Variants in PPP1R16B observed in about 807,000 individuals in gnomAD.
PPP1R16B encodes protein phosphatase 1 regulatory subunit 16B.
PPP1R16B carries 14 observed loss-of-function variants against 61.7 expected under a neutral mutation model. The ratio of observed to expected loss-of-function variants is 0.23; its 90% CI spans 0.15 to 0.35. The LOEUF is 0.35. Ranked by LOEUF, PPP1R16B falls within the 10% of genes least tolerant of loss-of-function variation. The pLI, the probability that PPP1R16B is intolerant of heterozygous loss-of-function variation, is 1.00. For missense variants in PPP1R16B, 547 were observed against 752.5 expected, an observed-to-expected ratio of 0.73 and a Z score of 3.19; for synonymous variants, 266 against 305.3, an observed-to-expected ratio of 0.87 and a Z score of 1.34.
intron 4 of PPP1R16B, among the ~76,000 whole-genome samples, chr20:38,897,478 C>T (rs1340955791): frequency 1.3e-5 from 2 of 152,184 alleles, no homozygotes; most frequent in Non-Finnish European, 2.9e-5. Context: ...TATGTCTATA[C>T]CACGTTTCAC....
At chr20:38,889,718 G>T (rs62201386) in intron 3 of PPP1R16B, 53 bp downstream of exon 3, 70,142 of 1,508,112 alleles carry the variant, frequency 0.047, 2,199 homozygotes, top group Admixed American at 0.14. Context: ...ACCTGGACAG[G>T]TACCCTGTTT....
rs868683219 is a variant in PPP1R16B at position 38,897,056 on chromosome 20, G to C, written c.467+1346G>C. On this transcript the variant is annotated intron_variant, in intron 4 of 10. Coordinates refer to ENST00000299824, the MANE Select transcript of PPP1R16B (RefSeq NM_015568.4). Reference sequence around the variant, plus strand: ...AGCTACTTGGGAGGCTGAGGCAGGAGAATCGCTTGAACCCAGGAGGCGGAG... The same window carrying C: ...AGCTACTTGGGAGGCTGAGGCAGGACAATCGCTTGAACCCAGGAGGCGGAG... 5.3e-5 allele frequency among the ~76,000 whole-genome samples: 8 copies of C among 152,364 alleles called. 1 individual carries two copies. The South Asian group carries it at 1.7e-3, about 32-fold the overall frequency.
intron 2 of PPP1R16B, among the ~76,000 whole-genome samples, chr20:38,870,184 C>T (rs749661291): frequency 7.9e-5 from 12 of 152,180 alleles, no homozygotes; most frequent in Non-Finnish European, 1.0e-4. Context: ...GTGATCCACC[C>T]GCCTTGGCCT....
intron 2 of PPP1R16B, among the ~76,000 whole-genome samples, chr20:38,837,952 G>A (rs1568657914): frequency 6.6e-6 from 1 of 152,306 alleles, no homozygotes; most frequent in East Asian, 1.9e-4. Context: ...TATGTATAGT[G>A]CTTTAAGAGC....
chr20:38,827,111 G>A (rs1426203021), intron 1 of PPP1R16B, among the ~76,000 whole-genome samples: 1 of 152,004 alleles, frequency 6.6e-6, no homozygotes, highest in Non-Finnish European at 1.5e-5. Context: ...CACCACACCT[G>A]GCTAATTTTA....
At chr20:38,807,580 C>A (rs1287687830) in intron 1 of PPP1R16B, among the ~76,000 whole-genome samples, 2 of 152,130 alleles carry the variant, frequency 1.3e-5, no homozygotes, top group East Asian at 3.9e-4. Flanking sequence ...CAAATCCTTC[C>A]AGCCGGCTGC....
chr20:38,809,278 G>T lies in PPP1R16B; in HGVS notation c.-102+3486G>T, dbSNP rs775864088. On this transcript the variant is annotated intron_variant, in intron 1 of 10. Coordinates refer to ENST00000299824, the MANE Select transcript of PPP1R16B (RefSeq NM_015568.4). ...GGTGGGGGCTCACTCCTGGGAACTT[G>T]AGTCTAGCACCAGCTTTTCCCCGGG... 1.0e-3 allele frequency among the ~76,000 whole-genome samples: 158 copies of T among 152,214 alleles called. 1 individual carries two copies. Among genetic ancestry groups the T allele is most frequent in the Non-Finnish European group, 1.1e-3 (75 of 68,004 alleles).
chr20:38,861,226 G>A (rs1013190291), intron 2 of PPP1R16B, among the ~76,000 whole-genome samples: 9 of 152,138 alleles, frequency 5.9e-5, no homozygotes, highest in Non-Finnish European at 1.2e-4. Flanking sequence ...TCTGTAAAAC[G>A]GAAATAACCA....
At chr20:38,826,620 A>G (rs777617848) in intron 1 of PPP1R16B, among the ~76,000 whole-genome samples, 1 of 152,232 alleles carries the variant, frequency 6.6e-6, no homozygotes, top group Non-Finnish European at 1.5e-5. Flanking sequence ...CCAAATCATC[A>G]ATCAGCACCT....
At position 38,806,663 on chromosome 20, in the gene PPP1R16B, C is replaced by T. The variant is rs2084663836; in HGVS notation, c.-102+871C>T. Among the ~76,000 whole-genome samples the T allele has an allele frequency of 6.6e-6, 1 of 152,190 alleles. No homozygotes were observed. Among genetic ancestry groups the T allele is most frequent in the Non-Finnish European group, 1.5e-5 (1 of 68,020 alleles). ...CCGCCCCGGGTGGAGAGCCGGGAGG[C>T]AGGCGCTCGCTGCCCTCCTCCTTCC... On this transcript the variant is annotated intron_variant, in intron 1 of 10. Transcript: ENST00000299824. The surrounding 1 kb of genome is among the most constrained non-coding windows in gnomAD (Gnocchi z 4.5).
rs770787524 is a variant in PPP1R16B at position 38,900,597 on chromosome 20, G to T, written c.484G>T (p.Ala162Ser). The T allele has an allele frequency of 6.2e-7, 1 of 1,602,360 alleles. No homozygotes were observed. The highest frequency in any genetic ancestry group is 1.1e-5 in the South Asian group (1 of 88,518). Reference protein sequence around the residue: ...ILVQYGADLLAVNSDGNMPYD... With the variant: ...ILVQYGADLLSVNSDGNMPYD... ...TCTCTGCAGTGGGGCCGACTTGCTT[G>T]CTGTCAACTCGGATGGGAACATGCC... The change falls in exon 5 of 11, where the codon GCT (alanine) becomes TCT (serine). Residue 162 changes from alanine (A) to serine (S), a missense_variant. Coordinates refer to ENST00000299824, the MANE Select transcript of PPP1R16B (RefSeq NM_015568.4).
intron 2 of PPP1R16B, among the ~76,000 whole-genome samples, chr20:38,840,265 G>C (rs1358271916): frequency 2.6e-5 from 4 of 152,154 alleles, no homozygotes; most frequent in African/African-American, 9.7e-5. Flanking sequence ...TGGGAGCGTG[G>C]GGTGGCAGCT....
rs1039078073 is a variant in PPP1R16B at position 38,806,204 on chromosome 20, C to CG, written c.-102+412_-102+413insG. Among the ~76,000 whole-genome samples the CG allele has an allele frequency of 6.6e-6, 1 of 151,956 alleles. No individual in the cohort carries two copies. Among genetic ancestry groups the CG allele is most frequent in the African/African-American group, 2.4e-5 (1 of 41,388 alleles). ...GGAGCCACAGCGGACACCAAACAAC[C>CG]CCCCCCCGCGCACTCTCCCGGCCGG... is the stretch of plus-strand genomic sequence containing the variant. On this transcript the variant is annotated intron_variant, in intron 1 of 10. Coordinates refer to ENST00000299824, the MANE Select transcript of PPP1R16B (RefSeq NM_015568.4). This position sits in a 1 kb window ranked among gnomAD's most constrained non-coding sequence, Gnocchi z 4.5.
At chr20:38,871,528 A>G (rs1450673199) in intron 2 of PPP1R16B, among the ~76,000 whole-genome samples, 2 of 147,974 alleles carry the variant, frequency 1.4e-5, no homozygotes, top group Non-Finnish European at 3.0e-5. Context: ...AGGGGGATGA[A>G]AGGGAAGGAT....
chr20:38,881,651 G>A (rs1226804537), intron 2 of PPP1R16B, among the ~76,000 whole-genome samples: 1 of 152,204 alleles, frequency 6.6e-6, no homozygotes, highest in African/African-American at 2.4e-5. Flanking sequence ...TCACTTCTGT[G>A]CCTCAGTGAC....
At chr20:38,894,211 C>T (rs2085316059) in intron 3 of PPP1R16B, among the ~76,000 whole-genome samples, 1 of 150,686 alleles carries the variant, frequency 6.6e-6, no homozygotes, top group East Asian at 2.0e-4. Flanking sequence ...TCCCACATGT[C>T]CTGGCGCTGA....
At chr20:38,814,686 C>T (rs552549006) in intron 1 of PPP1R16B, among the ~76,000 whole-genome samples, 78 of 152,222 alleles carry the variant, frequency 5.1e-4, no homozygotes, top group African/African-American at 1.8e-3. Flanking sequence ...TCATTTTGTT[C>T]ACTAGGTTAC....
At chr20:38,825,707 TTGAAGGG>T (rs2084801633) in intron 1 of PPP1R16B, among the ~76,000 whole-genome samples, 1 of 152,188 alleles carries the variant, frequency 6.6e-6, no homozygotes, top group South Asian at 2.1e-4. Flanking sequence ...ATTCTGGGAT[TTGAAGGG>T]CCTTTCCACT....
At chr20:38,887,313 G>GCCACA (rs1490374706) in intron 2 of PPP1R16B, among the ~76,000 whole-genome samples, 3 of 152,214 alleles carry the variant, frequency 2.0e-5, no homozygotes, top group Admixed American at 2.0e-4. Flanking sequence ...TGAGCAAGTT[G>GCCACA]TGTACTGGAC....
Sources: gnomAD v4.1 joint callset for allele counts (sites outside exome capture counted in the v4.1 genomes callset) on GRCh38, gnomAD v4.1.1 for gene constraint, Gnocchi (gnomAD v3.1) non-coding constraint, MANE v1.5 for transcripts, NCBI Gene and HGNC (gene_info 2026-07-23, HGNC 2026-07-21) for gene names.